The following TMEM132D variants were observed in gnomAD, a reference collection of about 807,000 sequenced individuals.
TMEM132D encodes transmembrane protein 132D, also known as mature OL transmembrane protein.
A neutral mutation model predicts 62.3 loss-of-function variants in TMEM132D; 21 were observed. That is an observed-to-expected ratio of 0.34 (90% confidence interval 0.24 to 0.49). The LOEUF is 0.49. Among genes scored for constraint, TMEM132D ranks in the 20% least tolerant of loss-of-function variants. The pLI, the probability that TMEM132D is intolerant of heterozygous loss-of-function variation, is 0.99. For synonymous variants in TMEM132D, 621 were observed against 575.6 expected (o/e 1.08, Z -1.13); for missense variants, 1,346 against 1,402.8 (o/e 0.96, Z 0.65).
chr12:129,784,663 G>A (rs537109106), intron 1 of TMEM132D, among the ~76,000 whole-genome samples: 75 of 152,112 alleles, frequency 4.9e-4, no homozygotes, highest in Admixed American at 3.3e-3. Flanking sequence ...AAGTCTGTTC[G>A]GTTGAAAAGT....
intron 4 of TMEM132D, among the ~76,000 whole-genome samples, chr12:129,310,409 A>G (rs916201038): frequency 2.6e-5 from 4 of 152,202 alleles, no homozygotes. Context: ...CCTGAGAGGG[A>G]GGAAAGACAA....
At chr12:129,739,830 T>A (rs1822723939) in intron 1 of TMEM132D, among the ~76,000 whole-genome samples, 1 of 152,224 alleles carries the variant, frequency 6.6e-6, no homozygotes, top group Admixed American at 6.5e-5. Context: ...GGTTCTACTA[T>A]TAAGATGGCA....
At chr12:129,816,505 A>T (rs551667641) in intron 1 of TMEM132D, among the ~76,000 whole-genome samples, 2 of 152,222 alleles carry the variant, frequency 1.3e-5, no homozygotes, top group Non-Finnish European at 2.9e-5. Context: ...CCACAGAAAG[A>T]CTAAGTATTC....
intron 1 of TMEM132D, among the ~76,000 whole-genome samples, chr12:129,770,581 G>A (rs1341284980): frequency 1.3e-5 from 2 of 152,134 alleles, no homozygotes; most frequent in Admixed American, 6.5e-5. Context: ...GATGCCACTC[G>A]ACTTACAATA....
intron 3 of TMEM132D, among the ~76,000 whole-genome samples, chr12:129,451,995 G>A (rs61943130): frequency 0.2 from 30,586 of 152,100 alleles, 3,574 homozygotes; most frequent in African/African-American, 0.32. Context: ...GAGACATAAA[G>A]CCCAGGATAC....
At chr12:129,078,023 A>G (rs1457785560) in intron 8 of TMEM132D, among the ~76,000 whole-genome samples, 1 of 152,230 alleles carries the variant, frequency 6.6e-6, no homozygotes, top group Non-Finnish European at 1.5e-5. Flanking sequence ...ATCTCCATGA[A>G]TTCTCTGTTT....
intron 4 of TMEM132D, among the ~76,000 whole-genome samples, chr12:129,236,514 C>CAA (rs60745384): frequency 0.33 from 21,708 of 66,782 alleles, 2,606 homozygotes; most frequent in Non-Finnish European, 0.35. Flanking sequence ...GACTCCATCT[C>CAA]AAAAAAAAAA....
chr12:129,152,982 C>T (rs895149933), intron 5 of TMEM132D, among the ~76,000 whole-genome samples: 3 of 152,170 alleles, frequency 2.0e-5, no homozygotes, highest in Admixed American at 6.5e-5. Flanking sequence ...CCCGGCACTT[C>T]CTGCCAACTC....
intron 5 of TMEM132D, among the ~76,000 whole-genome samples, chr12:129,194,453 A>G (rs1224468933): frequency 6.6e-6 from 1 of 152,196 alleles, no homozygotes. Context: ...CTGGGGGTCT[A>G]CGTGAGGGTG....
chr12:129,148,805 C>T (rs1876986988), intron 5 of TMEM132D, among the ~76,000 whole-genome samples: 1 of 152,154 alleles, frequency 6.6e-6, no homozygotes, highest in South Asian at 2.1e-4. Flanking sequence ...TCCTGGCAGG[C>T]CAGGGGACAC....
chr12:129,406,494 C>T (rs1871792894), intron 3 of TMEM132D, among the ~76,000 whole-genome samples: 1 of 152,044 alleles, frequency 6.6e-6, no homozygotes, highest in East Asian at 1.9e-4. Flanking sequence ...GTGGCATGTG[C>T]CTGTAATCCC....
At chr12:129,860,366 T>C (rs1873853999) in intron 1 of TMEM132D, among the ~76,000 whole-genome samples, 1 of 152,216 alleles carries the variant, frequency 6.6e-6, no homozygotes, top group Admixed American at 6.5e-5. Flanking sequence ...ACTCTGTCAA[T>C]TTAGATGTTA....
chr12:129,793,211 C>T (rs765729277), intron 1 of TMEM132D, among the ~76,000 whole-genome samples: 26 of 151,972 alleles, frequency 1.7e-4, no homozygotes, highest in Non-Finnish European at 2.8e-4. Context: ...ACTCACCCAG[C>T]CTGATCTTCG....
chr12:129,698,378 T>G (rs1881256714), intron 2 of TMEM132D, among the ~76,000 whole-genome samples: 1 of 151,480 alleles, frequency 6.6e-6, no homozygotes, highest in Non-Finnish European at 1.5e-5. Flanking sequence ...ATTAGATGCA[T>G]GTCCATTAGG....
intron 3 of TMEM132D, among the ~76,000 whole-genome samples, chr12:129,443,965 C>G (rs539692527): frequency 3.9e-4 from 60 of 152,252 alleles, no homozygotes; most frequent in African/African-American, 1.3e-3. Flanking sequence ...GGTCACACAC[C>G]TACAACTATC....
intron 1 of TMEM132D, among the ~76,000 whole-genome samples, chr12:129,707,276 T>C (rs1474884954): frequency 6.7e-6 from 1 of 149,342 alleles, no homozygotes; most frequent in Admixed American, 6.7e-5. Flanking sequence ...TTTATATATG[T>C]GATAGATTGT....
At position 129,693,358 on chromosome 12, in the gene TMEM132D, TA is replaced by T. The variant is rs1881110048; in HGVS notation, c.968+6451del. On this transcript the variant is annotated intron_variant, in intron 2 of 8. Coordinates refer to ENST00000422113, the MANE Select transcript of TMEM132D (RefSeq NM_133448.3). ...TCACTGAAATAAGTACATTATTGAATAAATACATAAACGAGGGAAAATAAGC... is the reference window on the plus strand; with the variant it reads ...TCACTGAAATAAGTACATTATTGAATAATACATAAACGAGGGAAAATAAGC... Among the ~76,000 whole-genome samples, 5 of 152,296 alleles carry T rather than the reference TA, an allele frequency of 3.3e-5. No individual in the cohort carries two copies. The South Asian group carries it at 1.0e-3, about 32-fold the overall frequency.
intron 4 of TMEM132D, among the ~76,000 whole-genome samples, chr12:129,236,155 TGAGAGAGAGA>T (rs35395261): frequency 6.9e-6 from 1 of 144,552 alleles, no homozygotes; most frequent in Non-Finnish European, 1.5e-5. Context: ...TGTGTGTGTA[TGAGAGAGAGA>T]GAGAGAGAGA....
At position 129,757,872 on chromosome 12, in the gene TMEM132D, A is replaced by C. The variant is rs147929212; in HGVS notation, c.80-57174T>G. On this transcript the variant is annotated intron_variant, in intron 1 of 8. Transcript: ENST00000422113. ...CCTGCCCCTCAGCTCTACCCTCTCT[A>C]TGTCTGCCATACTGGCTTTATTTTT... Among the ~76,000 whole-genome samples the C allele has an allele frequency of 3.9e-3, 596 of 151,792 alleles. 2 individuals are homozygous for C. Among genetic ancestry groups the C allele is most frequent in the African/African-American group, 0.014 (567 of 41,390 alleles).
Sources: gnomAD v4.1 joint callset for allele counts (sites outside exome capture counted in the v4.1 genomes callset) on GRCh38, gnomAD v4.1.1 for gene constraint, MANE v1.5 for transcripts, NCBI Gene and HGNC (gene_info 2026-07-23, HGNC 2026-07-21) for gene names.